Variants in NCOA1 observed in about 807,000 individuals in gnomAD.
NCOA1 encodes the protein nuclear receptor coactivator 1.
NCOA1 carries 35 observed loss-of-function variants against 150.9 expected under a neutral mutation model. That is an observed-to-expected ratio of 0.23 (90% CI 0.18 to 0.31). The LOEUF is 0.31. Among genes scored for constraint, NCOA1 ranks in the 10% least tolerant of loss-of-function variants. The pLI, the probability that NCOA1 is intolerant of heterozygous loss-of-function variation, is 1.00. For missense variants in NCOA1, 1,491 were observed against 1,749.3 expected, an observed-to-expected ratio of 0.85 and a Z score of 2.63; for synonymous variants, 590 against 630.0, an observed-to-expected ratio of 0.94 and a Z score of 0.95.
intron 3 of NCOA1, among the ~76,000 whole-genome samples, chr2:24,618,193 CT>C (rs950282054): frequency 1.7e-4 from 26 of 152,124 alleles, no homozygotes; most frequent in Non-Finnish European, 4.4e-5. Context: ...TTTGGCCTCC[CT>C]TTTTCACTCC....
intron 4 of NCOA1, among the ~76,000 whole-genome samples, chr2:24,653,139 G>C (rs1264521548): frequency 6.6e-6 from 1 of 152,120 alleles, no homozygotes; most frequent in African/African-American, 2.4e-5. Flanking sequence ...TGAATCTCCA[G>C]CTAGTAGTCT....
intron 1 of NCOA1, among the ~76,000 whole-genome samples, chr2:24,514,807 A>G (rs1364951656): frequency 6.6e-6 from 1 of 152,188 alleles, no homozygotes; most frequent in African/African-American, 2.4e-5. Context: ...AAACGTATAA[A>G]TAGATAAATT....
At chr2:24,689,546 C>T (rs1356666959) in intron 8 of NCOA1, among the ~76,000 whole-genome samples, 1 of 152,114 alleles carries the variant, frequency 6.6e-6, no homozygotes, top group Non-Finnish European at 1.5e-5. Context: ...GTGCCCGCCA[C>T]CACACCTGGC....
intron 3 of NCOA1, among the ~76,000 whole-genome samples, chr2:24,585,264 A>C (rs1025734558): frequency 5.9e-5 from 9 of 152,150 alleles, no homozygotes; most frequent in African/African-American, 2.2e-4. Flanking sequence ...AGTCTTACCA[A>C]TTTTTGTAGC....
chr2:24,664,365 A>G (rs1370705588), intron 5 of NCOA1, among the ~76,000 whole-genome samples: 1 of 152,164 alleles, frequency 6.6e-6, no homozygotes, highest in Non-Finnish European at 1.5e-5. Context: ...ATTCTTTTCA[A>G]CTTACTATAT....
chr2:24,762,715 G>T lies in NCOA1; in HGVS notation c.4094G>T (p.Gly1365Val). The change falls in exon 22 of 23, where the codon GGC becomes GTC. Residue 1365 changes from glycine (G) to valine (V), a missense_variant. This residue lies in a region of NCOA1 where 485 missense variants were observed against 522.8 expected (regional missense o/e 0.93). Transcript: ENST00000348332. ...QINDPALRHT[G>V]LYCNQLSSTD... ...AATGATCCCGCACTGAGACACACAG[G>T]CCTCTACTGCAACCAGCTCTCATCC... 6.2e-7 allele frequency: 1 copy of T among 1,613,992 alleles called. No individual in the cohort carries two copies. The highest frequency in any genetic ancestry group is 8.5e-7 in the Non-Finnish European group (1 of 1,179,906).
At chr2:24,620,721 C>T (rs1171080415) in intron 3 of NCOA1, among the ~76,000 whole-genome samples, 1 of 151,218 alleles carries the variant, frequency 6.6e-6, no homozygotes, top group East Asian at 2.0e-4. Flanking sequence ...TTTGTATGTT[C>T]ACTGGCTCAC....
intron 4 of NCOA1, among the ~76,000 whole-genome samples, chr2:24,654,597 A>G (rs147214772): frequency 6.6e-6 from 1 of 152,348 alleles, no homozygotes; most frequent in Non-Finnish European, 1.5e-5. Context: ...CTTACTCTTC[A>G]CAGAGGAAGT....
intron 11 of NCOA1, among the ~76,000 whole-genome samples, chr2:24,699,764 ATGAGAATCACCTGTTAAAGATAG>A (rs143304662): frequency 0.15 from 22,847 of 152,186 alleles, 2,081 homozygotes; most frequent in Non-Finnish European, 0.21. Flanking sequence ...AAACACTTTC[ATGAGAATCACCTGTTAAAGATAG>A]TGACCTGCTG....
chr2:24,519,062 T>C (rs1034501397), intron 1 of NCOA1, among the ~76,000 whole-genome samples: 2 of 152,216 alleles, frequency 1.3e-5, no homozygotes, highest in Middle Eastern at 3.2e-3. Flanking sequence ...ACACTACTTA[T>C]CTTCAAGTCT....
intron 8 of NCOA1, among the ~76,000 whole-genome samples, chr2:24,690,072 C>T (rs1672591446): frequency 6.6e-6 from 1 of 152,134 alleles, no homozygotes; most frequent in Non-Finnish European, 1.5e-5. Context: ...AAAATCACTA[C>T]TGATATTTGA....
At chr2:24,616,831 T>G (rs1668891949) in intron 3 of NCOA1, among the ~76,000 whole-genome samples, 1 of 152,144 alleles carries the variant, frequency 6.6e-6, no homozygotes, top group Non-Finnish European at 1.5e-5. Context: ...GGACTTAAGC[T>G]CTTAATCCCT....
At chr2:24,614,199 C>CTTTTTTTTTTTTTTTT (rs869113477) in intron 3 of NCOA1, among the ~76,000 whole-genome samples, 117 of 9,174 alleles carry the variant, frequency 0.013, 35 homozygotes, top group Non-Finnish European at 0.02. Context: ...CATTTCCATT[C>CTTTTTTTTTTTTTTTT]TTTTTTTTTT....
intron 6 of NCOA1, among the ~76,000 whole-genome samples, chr2:24,671,924 A>G (rs1338996619): frequency 6.6e-6 from 1 of 152,148 alleles, no homozygotes; most frequent in Non-Finnish European, 1.5e-5. Flanking sequence ...TGTAAAGGCT[A>G]TGTAAATAGT....
intron 3 of NCOA1, among the ~76,000 whole-genome samples, chr2:24,641,978 G>A (rs566317729): frequency 4.6e-5 from 7 of 150,564 alleles, no homozygotes; most frequent in African/African-American, 1.7e-4. Flanking sequence ...TCAATTACAT[G>A]CTTGGTATTG....
chr2:24,514,517 A>T (rs1378662090), intron 1 of NCOA1, among the ~76,000 whole-genome samples: 1 of 151,682 alleles, frequency 6.6e-6, no homozygotes, highest in Non-Finnish European at 1.5e-5. Flanking sequence ...AAATGTGAAT[A>T]TAGGACCAGG....
chr2:24,694,062 G>A (rs1160205348), intron 10 of NCOA1, among the ~76,000 whole-genome samples: 1 of 152,164 alleles, frequency 6.6e-6, no homozygotes, highest in Non-Finnish European at 1.5e-5. Context: ...AACCAGAGCT[G>A]CAGAAGTCTA....
At chr2:24,708,853 A>G (rs2148598900) in intron 13 of NCOA1, among the ~76,000 whole-genome samples, 1 of 152,348 alleles carries the variant, frequency 6.6e-6, no homozygotes, top group East Asian at 1.9e-4. Flanking sequence ...CATTCCTAGA[A>G]TAAGCCATGT....
At chr2:24,543,163 C>G (rs1435080592) in intron 1 of NCOA1, among the ~76,000 whole-genome samples, 1 of 152,044 alleles carries the variant, frequency 6.6e-6, no homozygotes, top group Non-Finnish European at 1.5e-5. Context: ...ATGGTGAGGA[C>G]CAGGTGCTGG....
Sources: gnomAD v4.1 joint callset for allele counts (sites outside exome capture counted in the v4.1 genomes callset) on GRCh38, gnomAD v4.1.1 for gene constraint, gnomAD v4.1.1 regional missense constraint, MANE v1.5 for transcripts, NCBI Gene and HGNC (gene_info 2026-07-23, HGNC 2026-07-21) for gene names.